RANBP10: variants seen among roughly 807,000 people sequenced by gnomAD.
RANBP10 encodes the protein RAN binding protein 10, also known as ran-binding protein 10.
In RANBP10, 24 loss-of-function variants were observed where a neutral mutation model predicts 72.8. That is an observed-to-expected ratio of 0.33 (90% CI 0.24 to 0.46). The LOEUF is 0.46. RANBP10 is among the 20% of genes least tolerant of loss of function. The pLI is 1.00. For missense variants in RANBP10, 679 were observed against 817.5 expected (o/e 0.83, Z 2.07); for synonymous variants, 310 against 322.3 (o/e 0.96, Z 0.41).
intron 1 of RANBP10, among the ~76,000 whole-genome samples, chr16:67,805,882 C>T (rs545654918): frequency 1.3e-5 from 2 of 152,314 alleles, no homozygotes; most frequent in South Asian, 4.1e-4. Flanking sequence ...TGGAAGACAC[C>T]CCCCAAACTC....
At chr16:67,797,607 C>G (rs1389584220) in intron 2 of RANBP10, among the ~76,000 whole-genome samples, 1 of 152,160 alleles carries the variant, frequency 6.6e-6, no homozygotes, top group Non-Finnish European at 1.5e-5. Flanking sequence ...GTCAGGAGTT[C>G]AAAACCAGCC....
chr16:67,733,044 A>G (rs556335489), intron 6 of RANBP10, among the ~76,000 whole-genome samples: 25 of 109,342 alleles, frequency 2.3e-4, no homozygotes, highest in Admixed American at 5.8e-4. Context: ...ACAAAGCGAG[A>G]CTCCATCTCA....
intron 3 of RANBP10, among the ~76,000 whole-genome samples, chr16:67,762,882 G>A (rs1567695463): frequency 6.6e-6 from 1 of 152,234 alleles, no homozygotes; most frequent in Non-Finnish European, 1.5e-5. Flanking sequence ...ATCCAGTGAG[G>A]ACACTCTGGG....
At chr16:67,795,768 T>C (rs922233158) in intron 2 of RANBP10, among the ~76,000 whole-genome samples, 1 of 149,954 alleles carries the variant, frequency 6.7e-6, no homozygotes, top group African/African-American at 2.5e-5. Flanking sequence ...GGCAGGAGAG[T>C]GGCGTGAACC....
chr16:67,736,885 T>A (rs1371281544), intron 5 of RANBP10, among the ~76,000 whole-genome samples: 1 of 152,178 alleles, frequency 6.6e-6, no homozygotes, highest in Non-Finnish European at 1.5e-5. Flanking sequence ...CAGAGGCCCA[T>A]AAGATCACAA....
At chr16:67,763,549 G>A (rs934282142) in intron 3 of RANBP10, 1 of 152,214 alleles carries the variant, frequency 6.6e-6, no homozygotes, top group South Asian at 2.1e-4. Flanking sequence ...TACTCCTGCT[G>A]AGGGCACCAG....
At chr16:67,792,788 A>AC (rs2055052991) in intron 2 of RANBP10, among the ~76,000 whole-genome samples, 1 of 151,852 alleles carries the variant, frequency 6.6e-6, no homozygotes, top group Non-Finnish European at 1.5e-5. Context: ...TCTCAAAAAA[A>AC]AAAAAAAAGA....
chr16:67,796,373 C>G (rs770329103), intron 2 of RANBP10, among the ~76,000 whole-genome samples: 1 of 152,106 alleles, frequency 6.6e-6, no homozygotes, highest in South Asian at 2.1e-4. Flanking sequence ...GCAATCCAAC[C>G]CCTCTGTTTC....
chr16:67,763,586 C>G (rs1024045394), intron 3 of RANBP10: 1 of 152,308 alleles, frequency 6.6e-6, no homozygotes, highest in Admixed American at 6.5e-5. Context: ...TTCTCAGGGT[C>G]TGGCAAAGCA....
intron 2 of RANBP10, among the ~76,000 whole-genome samples, chr16:67,804,224 G>A (rs373044224): frequency 6.6e-6 from 1 of 152,144 alleles, no homozygotes; most frequent in African/African-American, 2.4e-5. Context: ...GTCTGATGAG[G>A]AAAGCCTTTC....
intron 3 of RANBP10, among the ~76,000 whole-genome samples, chr16:67,771,266 TAAATAAA>T (rs1218988725): frequency 1.3e-5 from 2 of 151,972 alleles, no homozygotes; most frequent in African/African-American, 4.8e-5. Flanking sequence ...AATATATATA[TAAATAAA>T]AAATAAAGAA....
intron 2 of RANBP10, among the ~76,000 whole-genome samples, chr16:67,784,656 CA>C (rs1009277033): frequency 1.0e-3 from 142 of 138,094 alleles, no homozygotes; most frequent in Admixed American, 9.5e-4. Flanking sequence ...AACTCCATCC[CA>C]AAAAAAAAAA....
intron 2 of RANBP10, among the ~76,000 whole-genome samples, chr16:67,778,048 C>G (rs1260080991): frequency 6.6e-6 from 1 of 152,086 alleles, no homozygotes; most frequent in Non-Finnish European, 1.5e-5. Context: ...TGGATAATCA[C>G]AAACAAAAGA....
intron 2 of RANBP10, among the ~76,000 whole-genome samples, chr16:67,786,852 G>C (rs2054925700): frequency 1.3e-5 from 2 of 151,930 alleles, no homozygotes; most frequent in African/African-American, 4.8e-5. Flanking sequence ...ACTTGAACCA[G>C]GGAGGTGGTG....
intron 2 of RANBP10, among the ~76,000 whole-genome samples, chr16:67,780,599 G>T (rs576396003): frequency 6.6e-6 from 1 of 152,142 alleles, no homozygotes; most frequent in Non-Finnish European, 1.5e-5. Context: ...AAAAAAGAAA[G>T]GGTACAGCTG....
At chr16:67,731,797 TCAC>T (rs2053739608) in intron 6 of RANBP10, among the ~76,000 whole-genome samples, 1 of 152,198 alleles carries the variant, frequency 6.6e-6, no homozygotes, top group African/African-American at 2.4e-5. Context: ...GAGGGGCTGG[TCAC>T]CACATCTGTG....
chr16:67,787,260 A>ATCAT (rs2054933683), intron 2 of RANBP10, among the ~76,000 whole-genome samples: 4 of 152,126 alleles, frequency 2.6e-5, no homozygotes, highest in Admixed American at 2.6e-4. Context: ...CAATCAATCA[A>ATCAT]TCAAAGTTCC....
intron 1 of RANBP10, among the ~76,000 whole-genome samples, chr16:67,806,044 G>A (rs910373850): frequency 6.6e-6 from 1 of 152,254 alleles, no homozygotes; most frequent in African/African-American, 2.4e-5. Context: ...AAGCACGGAG[G>A]CCCTGGAGTG....
At chr16:67,754,426 A>G (rs1310945266) in intron 3 of RANBP10, among the ~76,000 whole-genome samples, 1 of 152,198 alleles carries the variant, frequency 6.6e-6, no homozygotes, top group Non-Finnish European at 1.5e-5. Context: ...CTTTGTGAGA[A>G]AGATTCAGGC....
Sources: gnomAD v4.1 joint callset for allele counts (sites outside exome capture counted in the v4.1 genomes callset) on GRCh38, gnomAD v4.1.1 for gene constraint, MANE v1.5 for transcripts, NCBI Gene and HGNC (gene_info 2026-07-23, HGNC 2026-07-21) for gene names.